The following GIGYF2 variants were observed in gnomAD, a reference collection of about 807,000 sequenced individuals.
GIGYF2 encodes GRB10-interacting GYF protein 2.
A neutral mutation model predicts 208.1 loss-of-function variants in GIGYF2; 25 were observed. The ratio of observed to expected loss-of-function variants is 0.12; its 90% CI spans 0.09 to 0.17. The LOEUF is 0.17. Among genes scored for constraint, GIGYF2 ranks in the 10% least tolerant of loss-of-function variants. GIGYF2 has a pLI of 1.00. For missense variants in GIGYF2, 1,302 were observed against 1,579.4 expected, an observed-to-expected ratio of 0.82 and a Z score of 2.98; for synonymous variants, 534 against 543.8, an observed-to-expected ratio of 0.98 and a Z score of 0.25.
chr2:232,797,523 G>GTGTA (rs1465746115), intron 14 of GIGYF2, among the ~76,000 whole-genome samples: 2 of 149,976 alleles, frequency 1.3e-5, no homozygotes, highest in Non-Finnish European at 3.0e-5. Flanking sequence ...GTGTGTGTGT[G>GTGTA]TGTTTTAACC....
chr2:232,821,090 C>T (rs1701067171), intron 21 of GIGYF2, among the ~76,000 whole-genome samples: 1 of 152,160 alleles, frequency 6.6e-6, no homozygotes, highest in East Asian at 1.9e-4. Flanking sequence ...CTCAGCCTCC[C>T]AAATGCTGGG....
chr2:232,812,187 G>A (rs2106386080), intron 17 of GIGYF2, among the ~76,000 whole-genome samples: 1 of 152,262 alleles, frequency 6.6e-6, no homozygotes, highest in South Asian at 2.1e-4. Flanking sequence ...TATTACCATA[G>A]AGGATTCCAG....
chr2:232,712,267 T>C (rs2106258341), intron 2 of GIGYF2, among the ~76,000 whole-genome samples: 1 of 152,330 alleles, frequency 6.6e-6, no homozygotes, highest in East Asian at 1.9e-4. Context: ...AAAAAGCAGC[T>C]AGTTGAGCTT....
intron 23 of GIGYF2, among the ~76,000 whole-genome samples, chr2:232,840,660 A>G (rs887256963): frequency 2.4e-4 from 37 of 152,184 alleles, no homozygotes; most frequent in Non-Finnish European, 1.2e-4. Context: ...CTGATTGAGA[A>G]GAGAAAAGTA....
chr2:232,820,838 T>G (rs1195557798), intron 21 of GIGYF2, among the ~76,000 whole-genome samples: 1 of 151,890 alleles, frequency 6.6e-6, no homozygotes, highest in Non-Finnish European at 1.5e-5. Flanking sequence ...TCTTCTTTTC[T>G]TTTTTTTGGA....
chr2:232,822,657 G>A (rs1013522124), intron 21 of GIGYF2, among the ~76,000 whole-genome samples: 9 of 152,070 alleles, frequency 5.9e-5, no homozygotes, highest in African/African-American at 1.7e-4. Flanking sequence ...CAGCCTGGGC[G>A]ACAGGGCAAG....
intron 18 of GIGYF2, among the ~76,000 whole-genome samples, chr2:232,813,207 T>G (rs1700789784): frequency 6.8e-6 from 1 of 146,040 alleles, no homozygotes; most frequent in South Asian, 2.1e-4. Context: ...TTTTTTTTTT[T>G]GAGACAGACT....
chr2:232,757,671 T>G (rs755845789), intron 6 of GIGYF2, among the ~76,000 whole-genome samples: 1 of 151,958 alleles, frequency 6.6e-6, no homozygotes, highest in Non-Finnish European at 1.5e-5. Flanking sequence ...TTGCCTCCAG[T>G]GCTTTTCAGG....
chr2:232,768,108 A>G, intron 8 of GIGYF2: 3 of 1,420,458 alleles, frequency 2.1e-6, no homozygotes, highest in Non-Finnish European at 3.0e-6. Context: ...TAGCATTGAA[A>G]AAAGAAAACA....
intron 21 of GIGYF2, 91 bp downstream of exon 21, chr2:232,820,076 A>T (rs1021586296): frequency 1.4e-6 from 2 of 1,459,644 alleles, no homozygotes; most frequent in African/African-American, 2.8e-5. Context: ...GCCTATCTAA[A>T]ATTTTTTCAG....
chr2:232,711,854 C>G (rs1243229581), intron 2 of GIGYF2, among the ~76,000 whole-genome samples: 1 of 150,648 alleles, frequency 6.6e-6, no homozygotes, highest in East Asian at 1.9e-4. Flanking sequence ...TACTTTAACA[C>G]TGCATCACCA....
chr2:232,734,962 C>G (rs1374177984), intron 2 of GIGYF2, among the ~76,000 whole-genome samples, 193 bp from the exon 3 acceptor site: 1 of 152,084 alleles, frequency 6.6e-6, no homozygotes, highest in East Asian at 1.9e-4. Flanking sequence ...GGTGGGGAGT[C>G]AGAATATAAG....
intron 8 of GIGYF2, among the ~76,000 whole-genome samples, chr2:232,780,638 A>G (rs1699682410): frequency 1.3e-5 from 2 of 152,210 alleles, no homozygotes. Context: ...TAGATTAAGA[A>G]TATTTGGTTC....
chr2:232,756,197 C>CTTTTTTTTTTTTTTTTTTTTTTTT (rs759525243), intron 5 of GIGYF2, 26 bp from the exon 6 acceptor site: 2 of 710,672 alleles, frequency 2.8e-6, no homozygotes, highest in African/African-American at 2.4e-5. Flanking sequence ...TCCTTTTTCT[C>CTTTTTTTTTTTTTTTTTTTTTTTT]TTTTTTTTTT....
At chr2:232,713,685 T>C (rs1000420110) in intron 2 of GIGYF2, among the ~76,000 whole-genome samples, 2 of 152,236 alleles carry the variant, frequency 1.3e-5, no homozygotes, top group Non-Finnish European at 2.9e-5. Context: ...CTCTTGTCTT[T>C]CCTTGTTTTT....
intron 3 of GIGYF2, chr2:232,736,467 A>G (rs1574820450): frequency 1.3e-5 from 2 of 152,392 alleles, no homozygotes; most frequent in African/African-American, 4.8e-5. Context: ...CTGTACCTTC[A>G]GTTTTGTAGC....
At chr2:232,716,573 G>A (rs1696691768) in intron 2 of GIGYF2, among the ~76,000 whole-genome samples, 2 of 151,752 alleles carry the variant, frequency 1.3e-5, no homozygotes, top group South Asian at 4.2e-4. Flanking sequence ...TAGTAGTAAT[G>A]GGGTTTCACC....
chr2:232,739,289 C>T (rs1368665227), intron 3 of GIGYF2, among the ~76,000 whole-genome samples: 2 of 145,686 alleles, frequency 1.4e-5, no homozygotes, highest in Admixed American at 7.2e-5. Flanking sequence ...ACCCAGGAGG[C>T]GGAAGTTGCA....
At chr2:232,710,901 G>A (rs372174065) in intron 2 of GIGYF2, among the ~76,000 whole-genome samples, 3 of 151,446 alleles carry the variant, frequency 2.0e-5, no homozygotes, top group African/African-American at 7.3e-5. Context: ...GGGTTTCACT[G>A]TGTTGGCCAG....
Sources: allele counts gnomAD v4.1 joint callset (sites outside exome capture counted in the v4.1 genomes callset), GRCh38; gene constraint gnomAD v4.1.1; transcripts MANE v1.5; gene names NCBI Gene and HGNC (gene_info 2026-07-23, HGNC 2026-07-21).